PDE4D: variants seen among roughly 807,000 people sequenced by gnomAD.
PDE4D encodes 3',5'-cyclic-AMP phosphodiesterase 4D.
In PDE4D, 24 loss-of-function variants were observed where a neutral mutation model predicts 87.4. The ratio of observed to expected loss-of-function variants is 0.27; its 90% CI spans 0.20 to 0.39. PDE4D has a LOEUF of 0.39. Ranked by LOEUF, PDE4D falls within the 10% of genes least tolerant of loss-of-function variation. The probability of loss-of-function intolerance (pLI) is 1.00; values close to 1 mark genes in which losing one functional copy is unlikely to be tolerated. For synonymous variants in PDE4D, 384 were observed against 383.2 expected, an observed-to-expected ratio of 1.00 and a Z score of -0.02; for missense variants, 714 against 1,041.0, an observed-to-expected ratio of 0.69 and a Z score of 4.32.
At chr5:59,706,773 T>A (rs946797103) in intron 1 of PDE4D, among the ~76,000 whole-genome samples, 1 of 152,154 alleles carries the variant, frequency 6.6e-6, no homozygotes, top group African/African-American at 2.4e-5. Flanking sequence ...TAAGGAAATA[T>A]AAATCCTTTT....
chr5:60,465,431 G>T (rs1374812029), intron 1 of PDE4D, among the ~76,000 whole-genome samples: 1 of 152,092 alleles, frequency 6.6e-6, no homozygotes, highest in Admixed American at 6.6e-5. Flanking sequence ...ACATGAAATA[G>T]CTTGAAACAA....
intron 1 of PDE4D, among the ~76,000 whole-genome samples, chr5:59,378,380 C>A (rs1455233392): frequency 6.6e-6 from 1 of 151,742 alleles, no homozygotes; most frequent in Non-Finnish European, 1.5e-5. Flanking sequence ...CCCCTGTGAC[C>A]CAAGTTTACC....
intron 1 of PDE4D, among the ~76,000 whole-genome samples, chr5:59,583,064 G>A (rs921259367): frequency 6.6e-6 from 1 of 151,998 alleles, no homozygotes; most frequent in Admixed American, 6.6e-5. Context: ...AGGATGCAAA[G>A]GTATTTAAAT....
At position 60,065,342 on chromosome 5, in the gene PDE4D, TA is replaced by T. The variant is rs567726369; in HGVS notation, c.43-76626del. On this transcript the variant is annotated intron_variant, in intron 2 of 16. Coordinates refer to the PDE4D transcript ENST00000502484. ...TATGATCTATTATTTATTTTATGTATAAAATTTATGTTTTACATGCACATTC... is the reference window on the plus strand; with the variant it reads ...TATGATCTATTATTTATTTTATGTATAAATTTATGTTTTACATGCACATTC... 2.1e-4 allele frequency among the ~76,000 whole-genome samples: 32 copies of T among 152,098 alleles called. No individual in the cohort carries two copies. In the South Asian group the frequency reaches 5.8e-3, roughly 28 times the overall value.
chr5:60,438,967 T>C (rs1243614933), intron 1 of PDE4D, among the ~76,000 whole-genome samples: 1 of 152,116 alleles, frequency 6.6e-6, no homozygotes, highest in African/African-American at 2.4e-5. Context: ...CCTACGGATA[T>C]ACTTGCACAA....
intron 1 of PDE4D, among the ~76,000 whole-genome samples, chr5:59,823,660 T>C (rs1769971202): frequency 6.6e-6 from 1 of 152,026 alleles, no homozygotes; most frequent in South Asian, 2.1e-4. Context: ...CTAGGAACTC[T>C]TCTGTAGTTT....
At chr5:59,639,812 A>AGTGTGTGTGTGTGTGT (rs70975323) in intron 1 of PDE4D, among the ~76,000 whole-genome samples, 3 of 143,622 alleles carry the variant, frequency 2.1e-5, no homozygotes, top group African/African-American at 7.9e-5. Context: ...TAGTGTCTAT[A>AGTGTGTGTGTGTGTGT]GTGTGTGTGT....
At chr5:60,293,893 G>A (rs1583326538) in intron 1 of PDE4D, among the ~76,000 whole-genome samples, 1 of 152,154 alleles carries the variant, frequency 6.6e-6, no homozygotes, top group African/African-American at 2.4e-5. Context: ...ATTTTAACAA[G>A]TATTTATGTA....
At chr5:59,075,094 AC>A (rs1388790955) in intron 5 of PDE4D, among the ~76,000 whole-genome samples, 1 of 144,840 alleles carries the variant, frequency 6.9e-6, no homozygotes, top group Non-Finnish European at 1.6e-5. Flanking sequence ...ACACACACAC[AC>A]ACACACACAC....
intron 1 of PDE4D, among the ~76,000 whole-genome samples, chr5:59,257,572 C>T (rs1475075489): frequency 6.6e-6 from 1 of 152,080 alleles, no homozygotes; most frequent in South Asian, 2.1e-4. Context: ...TATCTACTAT[C>T]CAATTACATT....
chr5:59,149,619 A>G (rs1420219008), intron 5 of PDE4D, among the ~76,000 whole-genome samples: 3 of 148,130 alleles, frequency 2.0e-5, no homozygotes, highest in African/African-American at 7.4e-5. Context: ...TTAAGATTTT[A>G]GTGTTGGTTC....
At chr5:60,241,824 C>T (rs1747164694) in intron 1 of PDE4D, among the ~76,000 whole-genome samples, 1 of 152,004 alleles carries the variant, frequency 6.6e-6, no homozygotes, top group Non-Finnish European at 1.5e-5. Flanking sequence ...GAACACCAAG[C>T]AGATTTAACC....
intron 1 of PDE4D, among the ~76,000 whole-genome samples, chr5:59,467,136 C>T (rs934668552): frequency 6.6e-6 from 1 of 152,148 alleles, no homozygotes; most frequent in Non-Finnish European, 1.5e-5. Flanking sequence ...AAGAAACCAA[C>T]CCTGCTCTCT....
chr5:59,178,827 G>A lies in PDE4D; in HGVS notation c.808+1768C>T, dbSNP rs367659032. Among the ~76,000 whole-genome samples the A allele has an allele frequency of 4.6e-5, 7 of 152,276 alleles. No individual in the cohort carries two copies. The South Asian group carries it at 1.5e-3, about 32-fold the overall frequency. On this transcript the variant is annotated intron_variant, in intron 5 of 14. Coordinates refer to ENST00000340635, the MANE Select transcript of PDE4D (RefSeq NM_001104631.2). Reference sequence around the variant, plus strand: ...TCAGTTCTTGCTTATTGCAAAATTGGGGGTTGAGGGTAGTTCCTCTTGATA... The same window carrying A: ...TCAGTTCTTGCTTATTGCAAAATTGAGGGTTGAGGGTAGTTCCTCTTGATA...
At chr5:59,323,946 C>A (rs1037967404) in intron 1 of PDE4D, among the ~76,000 whole-genome samples, 4 of 152,128 alleles carry the variant, frequency 2.6e-5, no homozygotes, top group Admixed American at 2.0e-4. Context: ...GACTCCCCAA[C>A]TTATGCTCTA....
chr5:59,050,807 C>T (rs1761436489), intron 5 of PDE4D, among the ~76,000 whole-genome samples: 1 of 152,136 alleles, frequency 6.6e-6, no homozygotes, highest in Admixed American at 6.5e-5. Flanking sequence ...TTGAGAATTA[C>T]AGGGTTATTA....
At chr5:60,022,506 C>T (rs1222353490) in intron 2 of PDE4D, 1 of 152,094 alleles carries the variant, frequency 6.6e-6, no homozygotes, top group Non-Finnish European at 1.5e-5. Context: ...AATTATGGCT[C>T]TAACTTTTTT....
rs754869518 is a variant in PDE4D at position 59,754,797 on chromosome 5, A to ATTTTTTTTTTTTTTTTTTTT, written c.455+138351_455+138370dup. Among the ~76,000 whole-genome samples, 23 of 96,868 alleles carry ATTTTTTTTTTTTTTTTTTTT rather than the reference A, an allele frequency of 2.4e-4. 10 individuals are homozygous for ATTTTTTTTTTTTTTTTTTTT. Among genetic ancestry groups the ATTTTTTTTTTTTTTTTTTTT allele is most frequent in the African/African-American group, 2.5e-4 (6 of 24,100 alleles). The allele number at this position is 96,868 out of a possible 152,430, so 63.5% of individuals were successfully genotyped here. A position where few individuals can be genotyped will look rare whatever the true frequency, so the allele number is the denominator to read the frequency against. ...GCAGGTACAGAATTTTCCACAGAAC[A>ATTTTTTTTTTTTTTTTTTTT]TTTTTTTTTTTTTTTTTTTTTTTTT... On this transcript the variant is annotated intron_variant, in intron 1 of 14. Transcript: ENST00000340635.
At chr5:59,899,309 C>T (rs1427816485) in intron 3 of PDE4D, among the ~76,000 whole-genome samples, 1 of 151,984 alleles carries the variant, frequency 6.6e-6, no homozygotes, top group Admixed American at 6.6e-5. Context: ...ATTAATTCAG[C>T]CATTTAACCA....
Sources: gnomAD v4.1 joint callset for allele counts (sites outside exome capture counted in the v4.1 genomes callset) on GRCh38, gnomAD v4.1.1 for gene constraint, MANE v1.5 for transcripts, NCBI Gene and HGNC (gene_info 2026-07-23, HGNC 2026-07-21) for gene names.